Variants in BLTP2 observed in about 807,000 individuals in gnomAD.
The protein encoded by BLTP2 is bridge-like lipid transfer protein family member 2, also known as U937-associated antigen.
the BLTP2 span, chr17:28,619,507 C>A: frequency 1.1e-6 from 1 of 947,376 alleles, no homozygotes; most frequent in Non-Finnish European, 1.6e-6. Context: ...TACCCATTTT[C>A]TTATTCAGGA....
chr17:28,641,867 A>C, the BLTP2 span: 2 of 1,581,060 alleles, frequency 1.3e-6, no homozygotes, highest in Non-Finnish European at 1.7e-6. Context: ...GCAGCCAAGA[A>C]GCTCAATCAC....
At chr17:28,618,392 C>T in the BLTP2 span, among the ~76,000 whole-genome samples, 1 of 152,136 alleles carries the variant, frequency 6.6e-6, no homozygotes, top group African/African-American at 2.4e-5. Flanking sequence ...GCTGGGACCA[C>T]AGGTATGCAC....
At chr17:28,643,163 C>T in the BLTP2 span, 3 of 1,614,200 alleles carry the variant, frequency 1.9e-6, no homozygotes, top group Non-Finnish European at 2.5e-6. Context: ...AGTTGTCTCA[C>T]TTGGCAGAAG....
At chr17:28,633,001 GC>G in the BLTP2 span, 1 of 1,577,776 alleles carries the variant, frequency 6.3e-7, no homozygotes, top group Non-Finnish European at 8.6e-7. Context: ...CGAGCGAAAG[GC>G]CCGGTAGGAG....
the BLTP2 span, chr17:28,640,121 G>A: frequency 6.1e-5 from 84 of 1,371,122 alleles, no homozygotes; most frequent in Non-Finnish European, 7.5e-5. Context: ...TTGGCCAGGC[G>A]CAGTGGCTCA....
At chr17:28,623,010 G>A in the BLTP2 span, among the ~76,000 whole-genome samples, 1 of 152,186 alleles carries the variant, frequency 6.6e-6, no homozygotes, top group Admixed American at 6.5e-5. Context: ...GGGAGGCAGA[G>A]GTTGCAGTGA....
the BLTP2 span, among the ~76,000 whole-genome samples, chr17:28,636,394 T>C: frequency 6.6e-6 from 1 of 152,216 alleles, no homozygotes; most frequent in African/African-American, 2.4e-5. Flanking sequence ...TTCCAGTCTT[T>C]TAATGGGCCG....
the BLTP2 span, chr17:28,637,262 T>C: frequency 5.2e-6 from 5 of 965,318 alleles, no homozygotes; most frequent in Middle Eastern, 2.2e-4. Context: ...CCCTTAACTA[T>C]CTTTATTCCT....
the BLTP2 span, chr17:28,619,648 G>C: frequency 4.3e-6 from 7 of 1,613,230 alleles, no homozygotes; most frequent in East Asian, 4.5e-5. Flanking sequence ...AAGAATGCTG[G>C]GGCACCTGAT....
the BLTP2 span, chr17:28,640,600 C>T: frequency 6.2e-7 from 1 of 1,614,164 alleles, no homozygotes; most frequent in Non-Finnish European, 8.5e-7. Flanking sequence ...CTTGTGTTCT[C>T]CATCTTAACC....
the BLTP2 span, chr17:28,634,176 T>C: frequency 8.9e-7 from 1 of 1,127,046 alleles, no homozygotes. Context: ...ATTTTACCCA[T>C]CTATATTTAC....
the BLTP2 span, among the ~76,000 whole-genome samples, chr17:28,626,326 C>A: frequency 6.6e-6 from 1 of 152,232 alleles, no homozygotes; most frequent in African/African-American, 2.4e-5. Context: ...TCACTCCTCT[C>A]CCTTAGTTAC....
chr17:28,625,368 A>AAAGAAG, the BLTP2 span, among the ~76,000 whole-genome samples: 1 of 151,026 alleles, frequency 6.6e-6, no homozygotes, highest in Non-Finnish European at 1.5e-5. Context: ...AGAAAAAGAA[A>AAAGAAG]AAGAAAAAGA....
At chr17:28,640,401 T>C in the BLTP2 span, 5 of 734,594 alleles carry the variant, frequency 6.8e-6, no homozygotes. Flanking sequence ...TCAAAAATAA[T>C]AATAATTTTT....
the BLTP2 span, chr17:28,619,941 G>A: frequency 1.9e-6 from 3 of 1,614,068 alleles, no homozygotes; most frequent in African/African-American, 4.0e-5. Flanking sequence ...AATGCAGTAT[G>A]CTGCTGCGTT....
the BLTP2 span, chr17:28,634,816 T>C: frequency 6.2e-7 from 1 of 1,613,822 alleles, no homozygotes; most frequent in Non-Finnish European, 8.5e-7. Flanking sequence ...AGGCAACAAC[T>C]CCCCATGCTG....
At chr17:28,617,151 T>C in the BLTP2 span, 12 of 1,309,680 alleles carry the variant, frequency 9.2e-6, no homozygotes, top group African/African-American at 1.8e-4. Flanking sequence ...TTTTCCATAG[T>C]GGATTTATAC....
chr17:28,615,296 C>G, the BLTP2 span: 5 of 1,452,932 alleles, frequency 3.4e-6, no homozygotes, highest in Non-Finnish European at 4.7e-6. Flanking sequence ...AGTGGGCAGG[C>G]AGAATAAATC....
At chr17:28,625,334 CAAAAAAAAAAA>C in the BLTP2 span, among the ~76,000 whole-genome samples, 17 of 29,060 alleles carry the variant, frequency 5.8e-4, no homozygotes, top group South Asian at 9.5e-3. Context: ...GACTCCGTCT[CAAAAAAAAAAA>C]AAAAAAAAAA....
Sources: gnomAD v4.1 joint callset for allele counts (sites outside exome capture counted in the v4.1 genomes callset) on GRCh38, gnomAD v4.1.1 for gene constraint, MANE v1.5 for transcripts, NCBI Gene and HGNC (gene_info 2026-07-23, HGNC 2026-07-21) for gene names.